The following WLS variants were observed in gnomAD, a reference collection of about 807,000 sequenced individuals.
WLS encodes the protein Wnt ligand secretion mediator.
Under a neutral mutation model 62.8 loss-of-function variants are expected in WLS, and 23 were observed. The ratio of observed to expected loss-of-function variants is 0.37; its 90% CI spans 0.26 to 0.52. The LOEUF is 0.52. Among genes scored for constraint, WLS ranks in the 20% least tolerant of loss-of-function variants. The pLI is 0.92. For missense variants in WLS, 615 were observed against 697.3 expected (o/e 0.88, Z 1.33); for synonymous variants, 246 against 244.1 (o/e 1.01, Z -0.07).
intron 1 of WLS, among the ~76,000 whole-genome samples, chr1:68,209,844 T>C (rs1388787704): frequency 6.6e-6 from 1 of 151,918 alleles, no homozygotes; most frequent in Non-Finnish European, 1.5e-5. Context: ...AATGAGGCCC[T>C]GAAAAATTAA....
At chr1:68,120,713 TGTGTGCGCGCGC>T (rs1315992906), downstream of WLS, among the ~76,000 whole-genome samples, 1 of 130,420 alleles carries the variant, frequency 7.7e-6, no homozygotes, top group African/African-American at 2.9e-5. Flanking sequence ...TGTGTGTGTG[TGTGTGCGCGCGC>T]GCACATGTGC....
chr1:68,106,500 G>C (rs1003339037), intron 11 of WLS, among the ~76,000 whole-genome samples: 2 of 152,186 alleles, frequency 1.3e-5, no homozygotes, highest in African/African-American at 4.8e-5. Flanking sequence ...GAGCCCCACA[G>C]AGCAACAGCT....
chr1:68,114,871 C>A (rs1013825464), intron 11 of WLS, among the ~76,000 whole-genome samples: 3 of 152,210 alleles, frequency 2.0e-5, no homozygotes, highest in African/African-American at 7.2e-5. Context: ...TGTGAAGCAG[C>A]CCTAATTGGG....
intron 11 of WLS, among the ~76,000 whole-genome samples, chr1:68,114,354 G>A (rs1646264156): frequency 6.6e-6 from 1 of 152,116 alleles, no homozygotes; most frequent in Admixed American, 6.5e-5. Context: ...AGAAATTTAG[G>A]AGCCAATATA....
Position 68,101,916 on chromosome 1 carries a change from C to T in WLS, c.1511-3163G>A, listed in dbSNP as rs1646083941. Among the ~76,000 whole-genome samples the T allele has an allele frequency of 3.3e-5, 5 of 152,342 alleles. No homozygotes were observed. The South Asian group carries it at 1.0e-3, about 32-fold the overall frequency. On this transcript the variant is annotated intron_variant, in intron 11 of 11. Coordinates refer to the WLS transcript ENST00000354777. ...TCAATAACTTCATATATTCATTCTA[C>T]TTAGCTGTTACGGGAGAGAAATCAA...
Position 68,187,189 on chromosome 1 carries a change from C to CAAAAAAAAAAAAAAAA in WLS, c.379+6750_379+6765dup, listed in dbSNP as rs34130992. On this transcript the variant is annotated intron_variant, in intron 2 of 11. Transcript: ENST00000262348. ...GGGGGACAGAGCAAGACTCCATCTCCAAAAAAAAAAAAAAAAAAAAAATTA... is the reference window on the plus strand; with the variant it reads ...GGGGGACAGAGCAAGACTCCATCTCCAAAAAAAAAAAAAAAAAAAAAAAAAAAAAAAAAAAAAATTA... Among the ~76,000 whole-genome samples, 349 of 57,132 alleles carry CAAAAAAAAAAAAAAAA rather than the reference C, an allele frequency of 6.1e-3. 17 individuals are homozygous for CAAAAAAAAAAAAAAAA. The highest frequency in any genetic ancestry group is 7.5e-3 in the Non-Finnish European group (227 of 30,174). 37.5% of individuals were successfully genotyped at this position (57,132 alleles called of 152,430 possible).
chr1:68,217,989 C>T (rs1332264537), intron 1 of WLS, among the ~76,000 whole-genome samples: 1 of 152,184 alleles, frequency 6.6e-6, no homozygotes. Context: ...AAATGAATTT[C>T]CCATGGTTCA....
chr1:68,141,901 A>G (rs1646691327), intron 10 of WLS: 2 of 152,150 alleles, frequency 1.3e-5, no homozygotes. Context: ...CAGCAGGAGG[A>G]ATGTGAGGAG....
At chr1:68,170,476 C>A (rs1647136140) in intron 2 of WLS, among the ~76,000 whole-genome samples, 2 of 151,820 alleles carry the variant, frequency 1.3e-5, no homozygotes, top group Admixed American at 6.6e-5. Flanking sequence ...CCGCTGGCTG[C>A]TATTTCAAGG....
rs6660920 is a variant in WLS at position 68,169,967 on chromosome 1, C to T, written c.380-10720G>A. Among the ~76,000 whole-genome samples the T allele has an allele frequency of 5.9e-3, 896 of 152,218 alleles. 11 individuals are homozygous for T. Among genetic ancestry groups the T allele is most frequent in the African/African-American group, 0.021 (854 of 41,528 alleles). ...GCTTTGGAGACAGACAGGCTGGGAC[C>T]ACAGCCCACCTTAGCTACTTGGTGC... On this transcript the variant is annotated intron_variant, in intron 2 of 11. Coordinates refer to ENST00000262348, the MANE Select transcript of WLS (RefSeq NM_024911.7).
intron 1 of WLS, among the ~76,000 whole-genome samples, chr1:68,224,890 A>G (rs1158925959): frequency 6.6e-6 from 1 of 152,196 alleles, no homozygotes; most frequent in Non-Finnish European, 1.5e-5. Context: ...GGTAGCATTA[A>G]GCTTAAGAAT....
intron 11 of WLS, among the ~76,000 whole-genome samples, chr1:68,135,005 C>T (rs567762065): frequency 3.9e-5 from 6 of 152,336 alleles, no homozygotes; most frequent in African/African-American, 1.2e-4. Flanking sequence ...AAGTTGGACA[C>T]GTTCTCACCA....
chr1:68,107,410 CAA>C (rs1646163026), intron 11 of WLS, among the ~76,000 whole-genome samples: 1 of 152,030 alleles, frequency 6.6e-6, no homozygotes, highest in Non-Finnish European at 1.5e-5. Flanking sequence ...GATAGAGTGA[CAA>C]GAGTTTAGGT....
intron 2 of WLS, among the ~76,000 whole-genome samples, chr1:68,177,577 G>A (rs1026799966): frequency 5.9e-5 from 9 of 151,994 alleles, no homozygotes; most frequent in Non-Finnish European, 8.8e-5. Flanking sequence ...GGGCAGTGGC[G>A]CAACCTTCTG....
At chr1:68,225,832 C>T (rs572684572) in intron 1 of WLS, among the ~76,000 whole-genome samples, 11 of 152,262 alleles carry the variant, frequency 7.2e-5, no homozygotes, top group Admixed American at 2.6e-4. Context: ...TGAAAAAGTC[C>T]GGACTTACTG....
chr1:68,139,774 A>G (rs913266565), intron 10 of WLS, among the ~76,000 whole-genome samples: 1 of 152,260 alleles, frequency 6.6e-6, no homozygotes, highest in African/African-American at 2.4e-5. Flanking sequence ...GAACAGAGGT[A>G]AAGTACAGGT....
chr1:68,149,084 G>A (rs1365037027), intron 6 of WLS, among the ~76,000 whole-genome samples: 1 of 152,192 alleles, frequency 6.6e-6, no homozygotes, highest in African/African-American at 2.4e-5. Flanking sequence ...TGTAAAGTGT[G>A]TCTATTATGG....
intron 1 of WLS, among the ~76,000 whole-genome samples, chr1:68,204,644 T>G (rs1452510914): frequency 1.3e-5 from 2 of 152,198 alleles, no homozygotes; most frequent in Admixed American, 1.3e-4. Flanking sequence ...ATCACAAAAT[T>G]AAATAGTCTA....
intron 11 of WLS, among the ~76,000 whole-genome samples, chr1:68,114,081 C>T (rs1055778176): frequency 2.5e-4 from 38 of 152,168 alleles, no homozygotes; most frequent in African/African-American, 8.0e-4. Flanking sequence ...CTGGCATTCC[C>T]GGATTCAACT....
Sources: allele counts gnomAD v4.1 joint callset (sites outside exome capture counted in the v4.1 genomes callset), GRCh38; gene constraint gnomAD v4.1.1; transcripts MANE v1.5; gene names NCBI Gene and HGNC (gene_info 2026-07-23, HGNC 2026-07-21).